The following LGR6 variants were observed in gnomAD, a reference collection of about 807,000 sequenced individuals.
LGR6 encodes the protein leucine-rich repeat-containing G protein-coupled receptor 6.
In LGR6, 45 loss-of-function variants were observed where a neutral mutation model predicts 69.4. The observed-to-expected ratio is 0.65, with a 90% CI of 0.51 to 0.83. The LOEUF (loss-of-function observed/expected upper bound fraction) is 0.83, where lower values mean the gene tolerates loss of function less well. Ranked by LOEUF, LGR6 falls within the 40% of genes least tolerant of loss-of-function variation. LGR6 has a pLI of 0.00. For missense variants in LGR6, 1,108 were observed against 1,246.7 expected (o/e 0.89, Z 1.68); for synonymous variants, 538 against 555.0 (o/e 0.97, Z 0.43).
At chr1:202,215,419 T>A (rs1659712068) in intron 1 of LGR6, among the ~76,000 whole-genome samples, 1 of 152,114 alleles carries the variant, frequency 6.6e-6, no homozygotes, top group African/African-American at 2.4e-5. Flanking sequence ...TAATAGGATA[T>A]CTCAGTCCTT....
intron 14 of LGR6, among the ~76,000 whole-genome samples, chr1:202,308,772 C>G (rs1653473268): frequency 6.6e-6 from 1 of 152,190 alleles, no homozygotes; most frequent in South Asian, 2.1e-4. Context: ...ATTGGGACAG[C>G]TTGGCATTAA....
chr1:202,237,956 A>C (rs1329174203), intron 4 of LGR6, among the ~76,000 whole-genome samples: 1 of 151,076 alleles, frequency 6.6e-6, no homozygotes, highest in Non-Finnish European at 1.5e-5. Flanking sequence ...GGAAGATCAA[A>C]TATATAGTCA....
At chr1:202,311,782 T>C (rs1256610059) in intron 16 of LGR6, among the ~76,000 whole-genome samples, 14 of 152,226 alleles carry the variant, frequency 9.2e-5, no homozygotes, top group Admixed American at 4.6e-4. Flanking sequence ...TGAGGACTGG[T>C]GCCTTCTGGT....
chr1:202,280,163 T>C (rs1462964231), intron 5 of LGR6, among the ~76,000 whole-genome samples: 2 of 152,168 alleles, frequency 1.3e-5, no homozygotes, highest in Non-Finnish European at 2.9e-5. Flanking sequence ...TTGTTCAAGC[T>C]GCATCACTTC....
chr1:202,301,273 C>G (rs747208810), intron 9 of LGR6, 38 bp downstream of exon 9: 16 of 1,545,780 alleles, frequency 1.0e-5, no homozygotes, highest in South Asian at 5.6e-5. Context: ...GCCTGAACTT[C>G]CCCCTTTCCT....
intron 4 of LGR6, among the ~76,000 whole-genome samples, chr1:202,272,742 G>A (rs572189871): frequency 3.3e-5 from 5 of 152,376 alleles, no homozygotes; most frequent in African/African-American, 1.2e-4. Context: ...ACATGTGTGA[G>A]CGTGCACATG....
intron 6 of LGR6, among the ~76,000 whole-genome samples, chr1:202,294,143 A>G (rs971940857): frequency 2.0e-5 from 3 of 152,198 alleles, no homozygotes; most frequent in Non-Finnish European, 2.9e-5. Flanking sequence ...TCATTAATCA[A>G]TTTATTTAGA....
At chr1:202,309,795 C>T (rs899870316) in intron 15 of LGR6, among the ~76,000 whole-genome samples, 1 of 152,230 alleles carries the variant, frequency 6.6e-6, no homozygotes, top group South Asian at 2.1e-4. Flanking sequence ...GAAGAATCAC[C>T]AGAAGAATCC....
chr1:202,254,706 A>T (rs1372002596), intron 4 of LGR6, among the ~76,000 whole-genome samples: 7 of 152,116 alleles, frequency 4.6e-5, no homozygotes, highest in Admixed American at 4.6e-4. Context: ...GAAGGGGAGG[A>T]GCAAGTGTTT....
intron 4 of LGR6, among the ~76,000 whole-genome samples, chr1:202,273,640 A>G (rs2148151406): frequency 6.6e-6 from 1 of 151,890 alleles, no homozygotes; most frequent in Middle Eastern, 3.4e-3. Flanking sequence ...TATTTTTAGT[A>G]GAGACGGGGT....
At position 202,314,152 on chromosome 1, in the gene LGR6, C is replaced by G. The variant is rs377622463; in HGVS notation, c.1568-650C>G. 5.3e-5 allele frequency among the ~76,000 whole-genome samples: 8 copies of G among 152,280 alleles called. No homozygotes were observed. The South Asian group carries it at 1.0e-3, about 20-fold the overall frequency. ...ATCATAATTTGCCTCGTTCTACAGT[C>G]CATCCATTGATCCTGGTTCTACCCT... On this transcript the variant is annotated intron_variant, in intron 16 of 17. Transcript: ENST00000367278.
At chr1:202,305,852 T>G (rs1653132471) in intron 12 of LGR6, 103 bp downstream of exon 12, 2 of 892,530 alleles carry the variant, frequency 2.2e-6, no homozygotes, top group Non-Finnish European at 3.7e-6. Context: ...AATGCACACT[T>G]TGACATTTCT....
At chr1:202,205,966 C>CA (rs1409748451) in intron 1 of LGR6, among the ~76,000 whole-genome samples, 24 of 95,472 alleles carry the variant, frequency 2.5e-4, no homozygotes, top group African/African-American at 8.0e-4. Context: ...CACACAGACA[C>CA]ACAACACACA....
chr1:202,253,172 T>A (rs1663413534), intron 4 of LGR6, among the ~76,000 whole-genome samples: 1 of 152,230 alleles, frequency 6.6e-6, no homozygotes, highest in Admixed American at 6.5e-5. Flanking sequence ...CTGAACATTC[T>A]GAGCCTCAGT....
Position 202,225,344 on chromosome 1 carries a change from AG to A in LGR6, c.213-73del, listed in dbSNP as rs368276554. On this transcript the variant is annotated intron_variant, in intron 1 of 17. Transcript: ENST00000367278. ...CTGTGGGAGCCTCGGAGGTCCCTCG[AG>A]GGGGGTTGGCACCTGGACAGTGCCA... is the stretch of plus-strand genomic sequence containing the variant. The A allele has an allele frequency of 2.5e-4, 331 of 1,340,352 alleles. 1 individual carries two copies. In the East Asian group the frequency reaches 7.1e-3, roughly 29 times the overall value. The allele number at this position is 1,340,352 out of a possible 1,614,324, so 83.0% of individuals were successfully genotyped here. A position where few individuals can be genotyped will look rare whatever the true frequency, so the allele number is the denominator to read the frequency against.
chr1:202,299,873 A>G (rs1278085165), intron 7 of LGR6, among the ~76,000 whole-genome samples: 1 of 152,238 alleles, frequency 6.6e-6, no homozygotes, highest in African/African-American at 2.4e-5. Flanking sequence ...TGTACTTTTC[A>G]GTCCAACATG....
At chr1:202,233,387 A>T (rs1267114136) in intron 3 of LGR6, among the ~76,000 whole-genome samples, 1 of 152,140 alleles carries the variant, frequency 6.6e-6, no homozygotes, top group Non-Finnish European at 1.5e-5. Flanking sequence ...AGGCATGAGC[A>T]GCCTGCGACC....
chr1:202,297,483 A>G (rs1408853839), intron 6 of LGR6, 25 bp from the exon 7 acceptor site: 5 of 1,607,688 alleles, frequency 3.1e-6, no homozygotes, highest in Non-Finnish European at 4.3e-6. Flanking sequence ...CTTTGCCCTA[A>G]TGACTGCTCT....
chr1:202,201,916 A>G (rs3010095), intron 1 of LGR6, among the ~76,000 whole-genome samples: 96,839 of 152,008 alleles, frequency 0.64, 31,901 homozygotes, highest in South Asian at 0.88. Context: ...TGTCTGCTGG[A>G]TCCTCTGGGA....
Sources: allele counts gnomAD v4.1 joint callset (sites outside exome capture counted in the v4.1 genomes callset), GRCh38; gene constraint gnomAD v4.1.1; transcripts MANE v1.5; gene names NCBI Gene and HGNC (gene_info 2026-07-23, HGNC 2026-07-21).